Variants in AOPEP observed in about 807,000 individuals in gnomAD.
AOPEP encodes aminopeptidase O (putative), also known as aminopeptidase O.
A neutral mutation model predicts 98.1 loss-of-function variants in AOPEP; 77 were observed. The observed-to-expected ratio is 0.78, with a 90% CI of 0.65 to 0.95. The LOEUF (loss-of-function observed/expected upper bound fraction) is 0.95. AOPEP is among the 40% of genes least tolerant of loss of function. AOPEP has a pLI of 0.00. For missense variants in AOPEP, 1,024 were observed against 1,024.7 expected, an observed-to-expected ratio of 1.00 and a Z score of 0.01; for synonymous variants, 346 against 365.3, an observed-to-expected ratio of 0.95 and a Z score of 0.60.
downstream of AOPEP, among the ~76,000 whole-genome samples, chr9:95,087,818 G>C (rs1320018349): frequency 6.6e-6 from 1 of 152,194 alleles, no homozygotes; most frequent in Non-Finnish European, 1.5e-5. Context: ...CTGTAGGAAC[G>C]GGTGCAGCCA....
chr9:94,944,450 A>G (rs2057392704), intron 7 of AOPEP, among the ~76,000 whole-genome samples: 1 of 152,264 alleles, frequency 6.6e-6, no homozygotes, highest in Non-Finnish European at 1.5e-5. Context: ...GTGAACCTTG[A>G]AAACATTATG....
At chr9:95,007,442 C>T (rs1354075084) in intron 13 of AOPEP, among the ~76,000 whole-genome samples, 2 of 152,062 alleles carry the variant, frequency 1.3e-5, no homozygotes, top group Non-Finnish European at 2.9e-5. Context: ...TTTGCCCAAC[C>T]GTTTCCTCTT....
intron 16 of AOPEP, 125 bp from the exon 17 acceptor site, chr9:95,086,557 C>T: frequency 1.0e-6 from 1 of 1,003,648 alleles, no homozygotes; most frequent in South Asian, 4.3e-5. Context: ...GGGCCTGGGT[C>T]TTCTCCTTGT....
intron 3 of AOPEP, among the ~76,000 whole-genome samples, chr9:94,774,632 T>C (rs916965300): frequency 6.6e-6 from 1 of 152,206 alleles, no homozygotes; most frequent in Non-Finnish European, 1.5e-5. Flanking sequence ...ATTTAACATT[T>C]CTATATTAAA....
At chr9:95,022,963 G>T (rs2063572974) in intron 13 of AOPEP, among the ~76,000 whole-genome samples, 1 of 152,038 alleles carries the variant, frequency 6.6e-6, no homozygotes, top group Non-Finnish European at 1.5e-5. Context: ...CTTTCTCCCC[G>T]CTGTAGTCCG....
chr9:95,005,112 G>T, intron 11 of AOPEP, 46 bp from the exon 12 acceptor site: 1 of 1,013,642 alleles, frequency 9.9e-7, no homozygotes, highest in Non-Finnish European at 1.2e-6. Flanking sequence ...CAGGGAGGCC[G>T]GGGCCGCTCC....
chr9:94,964,389 T>A (rs2059052118), intron 9 of AOPEP, among the ~76,000 whole-genome samples: 1 of 152,170 alleles, frequency 6.6e-6, no homozygotes. Flanking sequence ...TCTGGATACT[T>A]GTGCTCTGCA....
the AOPEP span, among the ~76,000 whole-genome samples, chr9:95,135,043 T>C: frequency 6.6e-6 from 1 of 152,252 alleles, no homozygotes; most frequent in Non-Finnish European, 1.5e-5. Flanking sequence ...CAAAAACTTA[T>C]TTTCCATGCT....
chr9:94,952,172 C>T (rs1010840731), intron 7 of AOPEP, among the ~76,000 whole-genome samples: 1 of 152,242 alleles, frequency 6.6e-6, no homozygotes, highest in Non-Finnish European at 1.5e-5. Flanking sequence ...TCATCCTAGT[C>T]GTGTGCCAGT....
chr9:94,909,609 G>T (rs942156480), intron 5 of AOPEP, among the ~76,000 whole-genome samples: 2 of 152,144 alleles, frequency 1.3e-5, no homozygotes, highest in Admixed American at 1.3e-4. Flanking sequence ...CAGAGAGAAG[G>T]CATCGCAGTC....
the AOPEP span, among the ~76,000 whole-genome samples, chr9:95,147,845 T>G: frequency 6.6e-6 from 1 of 152,170 alleles, no homozygotes; most frequent in African/African-American, 2.4e-5. Context: ...TACAATAGAA[T>G]CTCTGGACTT....
At chr9:94,884,738 G>A (rs907492267) in intron 5 of AOPEP, among the ~76,000 whole-genome samples, 3 of 152,298 alleles carry the variant, frequency 2.0e-5, no homozygotes, top group Admixed American at 6.5e-5. Flanking sequence ...CTGGCCGGGC[G>A]CGGTGGCTCA....
chr9:94,811,582 T>C (rs549997627), intron 5 of AOPEP, among the ~76,000 whole-genome samples: 56 of 152,272 alleles, frequency 3.7e-4, no homozygotes, highest in Non-Finnish European at 7.2e-4. Context: ...GGCTTTGATA[T>C]CTCCTTGCAG....
At chr9:94,804,777 C>T (rs998801434) in intron 5 of AOPEP, among the ~76,000 whole-genome samples, 7 of 152,002 alleles carry the variant, frequency 4.6e-5, no homozygotes, top group Admixed American at 6.6e-5. Context: ...AATTAGTGTA[C>T]GTGAAACAAG....
In AOPEP at chr9:95,060,784, T is replaced by TA. The variant is rs1263305095; in HGVS notation, c.2207dup (p.Tyr736Ter). The TA allele has an allele frequency of 1.2e-6, 2 of 1,612,804 alleles. No homozygotes were observed. Among genetic ancestry groups the TA allele is most frequent in the Non-Finnish European group, 1.7e-6 (2 of 1,178,772 alleles). Reference protein sequence around the residue: ...PRTLQSLQRTYHLQDQDAEVR... With the variant: ...PRTLQSLQRT ...AACTCTGCAAAGCCTCCAGAGGACA[T>TA]ACCACCTCCAGGATCAGGATGCAGA... The change falls in exon 14 of 17, where the codon TAC (tyrosine) becomes TAAC (stop). Residue 736 changes from tyrosine (Y) to a stop codon, truncating the protein, a stop_gained and frameshift_variant. Coordinates refer to ENST00000375315, the MANE Select transcript of AOPEP (RefSeq NM_001193329.3). LOFTEE classifies it high-confidence loss of function.
the AOPEP span, chr9:95,135,229 T>C: frequency 1.0e-6 from 1 of 1,001,786 alleles, no homozygotes; most frequent in Non-Finnish European, 1.6e-6. Context: ...CACGATTATA[T>C]ATAAAGGTTC....
intron 7 of AOPEP, among the ~76,000 whole-genome samples, chr9:94,933,976 C>A (rs2055826133): frequency 6.6e-6 from 1 of 152,116 alleles, no homozygotes; most frequent in African/African-American, 2.4e-5. Context: ...TCTTGATCTC[C>A]TGACCTTGTG....
At chr9:94,812,125 G>A (rs1189745013) in intron 5 of AOPEP, among the ~76,000 whole-genome samples, 1 of 152,154 alleles carries the variant, frequency 6.6e-6, no homozygotes, top group African/African-American at 2.4e-5. Flanking sequence ...TCTAAAGGTA[G>A]AGATGAGGGA....
the AOPEP span, among the ~76,000 whole-genome samples, chr9:95,119,322 C>T: frequency 6.6e-6 from 1 of 152,060 alleles, no homozygotes; most frequent in South Asian, 2.1e-4. Flanking sequence ...ATATTTTCTC[C>T]TAGCTAACGG....
Sources: allele counts gnomAD v4.1 joint callset (sites outside exome capture counted in the v4.1 genomes callset), GRCh38; gene constraint gnomAD v4.1.1; transcripts MANE v1.5; gene names NCBI Gene and HGNC (gene_info 2026-07-23, HGNC 2026-07-21).